Variants in ELP3 observed in about 807,000 individuals in gnomAD.
ELP3 encodes the protein elongator acetyltransferase complex subunit 3.
Under a neutral mutation model 74.9 loss-of-function variants are expected in ELP3, and 56 were observed. The ratio of observed to expected loss-of-function variants is 0.75; its 90% CI spans 0.60 to 0.93. ELP3 has a LOEUF of 0.93. ELP3 is among the 40% of genes least tolerant of loss of function. ELP3 has a pLI of 0.00. For synonymous variants in ELP3, 222 were observed against 239.8 expected (o/e 0.93, Z 0.68); for missense variants, 573 against 686.5 (o/e 0.83, Z 1.85).
intron 14 of ELP3, among the ~76,000 whole-genome samples, chr8:28,188,689 C>T (rs542433181): frequency 1.1e-4 from 17 of 152,364 alleles, no homozygotes; most frequent in Middle Eastern, 3.4e-3. Flanking sequence ...TTTCACCTGG[C>T]TGTTCACTTG....
intron 7 of ELP3, among the ~76,000 whole-genome samples, chr8:28,127,892 T>G (rs923996306): frequency 6.6e-6 from 1 of 152,236 alleles, no homozygotes; most frequent in Non-Finnish European, 1.5e-5. Context: ...GAATGAAAGA[T>G]TTGAGAATTT....
chr8:28,163,330 G>T (rs1236820524), intron 14 of ELP3, among the ~76,000 whole-genome samples: 2 of 152,092 alleles, frequency 1.3e-5, no homozygotes, highest in Non-Finnish European at 2.9e-5. Context: ...TACGCCTTCT[G>T]AGAAAATCAT....
In ELP3 at chr8:28,147,456, A is replaced by C. The variant is rs140505445; in HGVS notation, c.1101-8486A>C. Among the ~76,000 whole-genome samples the C allele has an allele frequency of 4.2e-4, 64 of 152,344 alleles. 2 individuals are homozygous for C. In the East Asian group the frequency reaches 0.01, roughly 24 times the overall value. On this transcript the variant is annotated intron_variant, in intron 10 of 14. Transcript: ENST00000256398. The surrounding 1 kb of genome is among the most constrained non-coding windows in gnomAD (Gnocchi z 4.5). ...CAAATGAGTAGATGTCCTAAAGATA[A>C]GGAGAGCCAGTTTTCTCACTCCCTG...
intron 3 of ELP3, 28 bp downstream of exon 3, chr8:28,099,994 A>G (rs1286338349): frequency 1.2e-6 from 2 of 1,613,806 alleles, no homozygotes; most frequent in African/African-American, 1.3e-5. Flanking sequence ...TGAGGTATCG[A>G]CACACTGGGT....
intron 3 of ELP3, among the ~76,000 whole-genome samples, chr8:28,101,835 C>A (rs974630973): frequency 6.6e-6 from 1 of 152,108 alleles, no homozygotes; most frequent in African/African-American, 2.4e-5. Flanking sequence ...GGTGATCTGC[C>A]CGCCTCAGCC....
intron 14 of ELP3, among the ~76,000 whole-genome samples, chr8:28,175,728 T>C (rs1413254205): frequency 1.3e-5 from 2 of 152,020 alleles, no homozygotes; most frequent in Non-Finnish European, 2.9e-5. Context: ...ACACAATTAG[T>C]ATAATGTGGT....
At chr8:28,095,632 T>G (rs1378644470) in intron 1 of ELP3, among the ~76,000 whole-genome samples, 18 of 152,210 alleles carry the variant, frequency 1.2e-4, no homozygotes, top group Non-Finnish European at 1.5e-5. Context: ...TTAAATTAGA[T>G]GCAGTGTGTT....
Position 28,155,852 on chromosome 8 carries a change from G to C in ELP3, c.1101-90G>C, listed in dbSNP as rs1050393546. 2.7e-5 allele frequency: 30 copies of C among 1,105,130 alleles called. 1 individual carries two copies. The South Asian group carries it at 4.3e-4, about 16-fold the overall frequency. The allele number at this position is 1,105,130 out of a possible 1,614,324, so 68.5% of individuals were successfully genotyped here. On this transcript the variant is annotated intron_variant, in intron 10 of 14. Transcript: ENST00000256398. ...ATAGGTTTTTTGCTTTTTTATTTTTGTTCTTTTTAACTTTTTTAATATCCT... is the reference window on the plus strand; with the variant it reads ...ATAGGTTTTTTGCTTTTTTATTTTTCTTCTTTTTAACTTTTTTAATATCCT...
chr8:28,090,406 G>A (rs1285439230), upstream of ELP3: 2 of 345,392 alleles, frequency 5.8e-6, no homozygotes, highest in Non-Finnish European at 1.1e-5. Context: ...ATAGTCTGGT[G>A]AGTGTAGTGT....
chr8:28,177,885 C>A (rs1814826623), intron 14 of ELP3, among the ~76,000 whole-genome samples: 2 of 152,336 alleles, frequency 1.3e-5, no homozygotes, highest in South Asian at 4.1e-4. Flanking sequence ...ATCAATTAAA[C>A]TTATTTCTTC....
intron 14 of ELP3, among the ~76,000 whole-genome samples, chr8:28,187,131 C>T (rs1168854344): frequency 1.3e-5 from 2 of 152,140 alleles, no homozygotes; most frequent in East Asian, 1.9e-4. Flanking sequence ...ACCCTGGAGT[C>T]GCCTTGGCTC....
intron 3 of ELP3, among the ~76,000 whole-genome samples, chr8:28,104,954 T>A (rs909466042): frequency 1.3e-5 from 2 of 152,240 alleles, no homozygotes; most frequent in Non-Finnish European, 2.9e-5. Context: ...TGGGTTATCA[T>A]CTGTTACTAT....
upstream of ELP3, among the ~76,000 whole-genome samples, chr8:28,090,639 C>T (rs1012486983): frequency 5.9e-5 from 9 of 152,002 alleles, no homozygotes; most frequent in African/African-American, 2.2e-4. Flanking sequence ...TTTTCTTCTC[C>T]CCTCACGCAT....
rs572339712 is a variant in ELP3 at position 28,152,924 on chromosome 8, G to A, written c.1101-3018G>A. ...CTATGATCCATTTTGAGTAAATTTC[G>A]TATATGGTATGAGGTAGGGGTCCAG... On this transcript the variant is annotated intron_variant, in intron 10 of 14. Transcript: ENST00000256398. Among the ~76,000 whole-genome samples the A allele has an allele frequency of 9.2e-5, 14 of 152,248 alleles. No individual in the cohort carries two copies. In the South Asian group the frequency reaches 1.0e-3, roughly 11 times the overall value.
chr8:28,150,909 T>C (rs1813617254), intron 10 of ELP3, among the ~76,000 whole-genome samples: 1 of 152,196 alleles, frequency 6.6e-6, no homozygotes, highest in Non-Finnish European at 1.5e-5. Flanking sequence ...TTCTCCCACC[T>C]CAGCCTCCCA....
At chr8:28,149,513 C>G (rs571982313) in intron 10 of ELP3, among the ~76,000 whole-genome samples, 4 of 152,126 alleles carry the variant, frequency 2.6e-5, no homozygotes, top group African/African-American at 4.8e-5. Flanking sequence ...TCGTGGGCTC[C>G]GTAGTGATGT....
chr8:28,170,284 G>A (rs1167149853), intron 14 of ELP3, among the ~76,000 whole-genome samples: 1 of 152,202 alleles, frequency 6.6e-6, no homozygotes, highest in African/African-American at 2.4e-5. Flanking sequence ...ATTGCTTTGT[G>A]ATTAGTAGGC....
chr8:28,096,791 T>G (rs115370891), intron 1 of ELP3, among the ~76,000 whole-genome samples: 1 of 152,360 alleles, frequency 6.6e-6, no homozygotes, highest in African/African-American at 2.4e-5. Context: ...TCTACCTCTG[T>G]TCTGAGAATT....
chr8:28,134,675 T>G (rs1237864393), intron 9 of ELP3, among the ~76,000 whole-genome samples: 2 of 152,204 alleles, frequency 1.3e-5, no homozygotes, highest in Non-Finnish European at 2.9e-5. Flanking sequence ...TAATTAATCT[T>G]CAAAAAAGCG....
Sources: allele counts gnomAD v4.1 joint callset (sites outside exome capture counted in the v4.1 genomes callset), GRCh38; gene constraint gnomAD v4.1.1; non-coding constraint Gnocchi (gnomAD v3.1); transcripts MANE v1.5; gene names NCBI Gene and HGNC (gene_info 2026-07-23, HGNC 2026-07-21).